Variants in NTRK1 observed in about 807,000 individuals in gnomAD.
The protein encoded by NTRK1 is high affinity nerve growth factor receptor.
Under a neutral mutation model 86.8 loss-of-function variants are expected in NTRK1, and 62 were observed. That is an observed-to-expected ratio of 0.71 (90% CI 0.58 to 0.88). NTRK1 has a LOEUF of 0.88. Among genes scored for constraint, NTRK1 ranks in the 40% least tolerant of loss-of-function variants. The probability of loss-of-function intolerance (pLI) is 0.00; values close to 1 mark genes in which losing one functional copy is unlikely to be tolerated. For missense variants in NTRK1, 967 were observed against 1,078.4 expected (o/e 0.90, Z 1.45); for synonymous variants, 469 against 456.6 (o/e 1.03, Z -0.35).
intron 2 of NTRK1, chr1:156,851,902 G>A: frequency 6.3e-7 from 1 of 1,587,192 alleles, no homozygotes; most frequent in Non-Finnish European, 8.6e-7. Flanking sequence ...TGCTATTACG[G>A]GTGAAGCCAG....
At chr1:156,874,262 T>TC (rs939428795) in intron 8 of NTRK1, 121 bp from the exon 9 acceptor site, 5 of 1,457,530 alleles carry the variant, frequency 3.4e-6, no homozygotes, top group African/African-American at 1.4e-5. Flanking sequence ...CCCACCTCCA[T>TC]CCCCCCTCGT....
intron 1 of NTRK1, among the ~76,000 whole-genome samples, chr1:156,835,676 T>G (rs1340398039): frequency 3.3e-5 from 5 of 152,188 alleles, no homozygotes. Flanking sequence ...TGGCCATCTT[T>G]CCATGTCACT....
rs1057522593 is a variant in NTRK1 at position 156,860,891 on chromosome 1, C to G, written c.-44C>G. 2 of 1,403,428 alleles carry G rather than the reference C, an allele frequency of 1.4e-6. No homozygotes were observed. The highest frequency in any genetic ancestry group is 1.8e-6 in the Non-Finnish European group (2 of 1,091,102). 86.9% of individuals were successfully genotyped at this position (1,403,428 alleles called of 1,614,324 possible). A position where few individuals can be genotyped will look rare whatever the true frequency, so the allele number is the denominator to read the frequency against. ...GAGGCCTGGCAGCTGCAGCTGGGAG[C>G]GCACAGACGGCTGCCCCGCCTGAGC... On this transcript the variant is annotated 5_prime_UTR_variant, in exon 1 of 17. Transcript: ENST00000524377.
At chr1:156,859,457 C>T (rs1655530674), upstream of NTRK1, among the ~76,000 whole-genome samples, 1 of 152,126 alleles carries the variant, frequency 6.6e-6, no homozygotes, top group Non-Finnish European at 1.5e-5. The surrounding 1 kb of genome is among the most constrained non-coding windows in gnomAD (Gnocchi z 6.2). Flanking sequence ...TTCTGCTTCC[C>T]GGTGCCTTGA....
upstream of NTRK1, among the ~76,000 whole-genome samples, chr1:156,858,301 A>G (rs1655481425): frequency 6.6e-6 from 1 of 152,184 alleles, no homozygotes; most frequent in Non-Finnish European, 1.5e-5. Flanking sequence ...GGGACGGAAG[A>G]TATCTACTTG....
At chr1:156,844,655 A>G in intron 2 of NTRK1, 1 of 1,613,906 alleles carries the variant, frequency 6.2e-7, no homozygotes, top group Non-Finnish European at 8.5e-7. Flanking sequence ...CTGGCTGGGA[A>G]GGCGATGTAG....
Position 156,874,895 on chromosome 1 carries a change from T to A in NTRK1, c.1252-11T>A, listed in dbSNP as rs369714977. ...GAGCCCCTGGATCTAACTACCCCTG[T>A]CCCCCACCAGGTCTCGGTGGCTGTG... On this transcript the variant is annotated splice_polypyrimidine_tract_variant and intron_variant, in intron 10 of 16. Coordinates refer to ENST00000524377, the MANE Select transcript of NTRK1 (RefSeq NM_002529.4). 7 of 1,591,124 alleles carry A rather than the reference T, an allele frequency of 4.4e-6. No individual in the cohort carries two copies. In the African/African-American group the frequency reaches 9.5e-5, roughly 22 times the overall value.
intron 7 of NTRK1, among the ~76,000 whole-genome samples, chr1:156,872,831 A>T (rs1354048263): frequency 6.6e-6 from 1 of 151,392 alleles, no homozygotes; most frequent in Non-Finnish European, 1.5e-5. Flanking sequence ...GCCCTCCACC[A>T]CGCCCAGCTA....
At chr1:156,848,866 A>C (rs1655100022) in intron 2 of NTRK1, 1 of 1,531,538 alleles carries the variant, frequency 6.5e-7, no homozygotes, top group Admixed American at 2.0e-5. Flanking sequence ...GTGGTCCCGA[A>C]GAAATTGGCC....
chr1:156,821,958 G>A (rs144791930), intron 1 of NTRK1, among the ~76,000 whole-genome samples: 4 of 152,328 alleles, frequency 2.6e-5, no homozygotes, highest in Non-Finnish European at 4.4e-5. Flanking sequence ...ATCAGAAATA[G>A]AGGGGTGACT....
intron 1 of NTRK1, among the ~76,000 whole-genome samples, chr1:156,826,916 T>C (rs996758653): frequency 3.3e-5 from 5 of 152,234 alleles, no homozygotes; most frequent in African/African-American, 1.2e-4. Context: ...TAGGCATTTG[T>C]AGAGCCAAAG....
chr1:156,866,865 C>G (rs771209707), intron 3 of NTRK1, 45 bp from the exon 4 acceptor site: 1 of 1,591,656 alleles, frequency 6.3e-7, no homozygotes, highest in Non-Finnish European at 8.6e-7. Context: ...AGAGTGAGGT[C>G]GGGTCACTCA....
chr1:156,880,400 G>A (rs542809793), intron 16 of NTRK1: 9 of 577,500 alleles, frequency 1.6e-5, no homozygotes, highest in Admixed American at 3.0e-5. Flanking sequence ...GAACCTCAAA[G>A]TGCTTTGTAC....
Position 156,864,749 on chromosome 1 carries a change from C to T in NTRK1, c.309C>T (p.Leu103=), listed in dbSNP as rs779864099. The change falls in exon 3 of 17, where the codon CTC becomes CTT. Residue 103 remains leucine (L), a synonymous_variant. Coordinates refer to ENST00000524377, the MANE Select transcript of NTRK1 (RefSeq NM_002529.4). ...CCAGCACCATCGTGAAGAGTGGTCTCCGTTTCGTGGCGCCAGATGCCTTCC... is the reference window on the plus strand; with the variant it reads ...CCAGCACCATCGTGAAGAGTGGTCTTCGTTTCGTGGCGCCAGATGCCTTCC... The part of the protein sequence containing the change: ...LRNLTIVKSG[L]RFVAPDAFHF... 9.3e-6 allele frequency: 15 copies of T among 1,613,966 alleles called. 2 individuals are homozygous for T. In the East Asian group the frequency reaches 2.9e-4, roughly 31 times the overall value.
intron 3 of NTRK1, 112 bp downstream of exon 3, chr1:156,864,911 C>A: frequency 1.9e-6 from 2 of 1,071,466 alleles, no homozygotes; most frequent in South Asian, 1.3e-5. Flanking sequence ...CAAGCCTGGT[C>A]AGGGAAGTCA....
intron 7 of NTRK1, among the ~76,000 whole-genome samples, chr1:156,872,679 CT>C (rs1300739349): frequency 1.4e-3 from 197 of 140,820 alleles, no homozygotes; most frequent in Admixed American, 1.7e-3. Context: ...GGGTCTATTT[CT>C]TTTTTTTTTT....
At chr1:156,828,728 T>C (rs1654388635) in intron 1 of NTRK1, among the ~76,000 whole-genome samples, 2 of 152,218 alleles carry the variant, frequency 1.3e-5, no homozygotes, top group Admixed American at 6.5e-5. Flanking sequence ...TTTTTGAGTC[T>C]CTGCTCCACC....
upstream of NTRK1, among the ~76,000 whole-genome samples, chr1:156,859,955 G>A (rs11264575): frequency 0.064 from 9,791 of 152,296 alleles, 571 homozygotes; most frequent in African/African-American, 0.15. The surrounding 1 kb of genome is among the most constrained non-coding windows in gnomAD (Gnocchi z 6.2). Flanking sequence ...GGGATCCCGG[G>A]GCTTTCCAGG....
intron 13 of NTRK1, 61 bp downstream of exon 13, chr1:156,876,271 A>T: frequency 1.2e-6 from 2 of 1,612,154 alleles, no homozygotes; most frequent in Non-Finnish European, 1.7e-6. Flanking sequence ...GCTCCATCAC[A>T]TCAGGACAGA....
Sources: allele counts gnomAD v4.1 joint callset (sites outside exome capture counted in the v4.1 genomes callset), GRCh38; gene constraint gnomAD v4.1.1; non-coding constraint Gnocchi (gnomAD v3.1); transcripts MANE v1.5; gene names NCBI Gene and HGNC (gene_info 2026-07-23, HGNC 2026-07-21).